Variants in PLXNA2 observed in about 807,000 individuals in gnomAD.
PLXNA2 encodes the protein plexin-A2.
Under a neutral mutation model 193.5 loss-of-function variants are expected in PLXNA2, and 91 were observed. The ratio of observed to expected loss-of-function variants is 0.47; its 90% CI spans 0.40 to 0.56. The LOEUF (loss-of-function observed/expected upper bound fraction) is 0.56, where lower values mean the gene tolerates loss of function less well. PLXNA2 is among the 20% of genes least tolerant of loss of function. The pLI is 0.00. For synonymous variants in PLXNA2, 997 were observed against 1,027.3 expected, an observed-to-expected ratio of 0.97 and a Z score of 0.56; for missense variants, 1,995 against 2,503.2, an observed-to-expected ratio of 0.80 and a Z score of 4.33.
chr1:208,044,822 G>A lies in PLXNA2; in HGVS notation c.3640-80C>T, dbSNP rs561888837. On this transcript the variant is annotated intron_variant, in intron 19 of 31. Transcript: ENST00000367033. The surrounding 1 kb of genome is among the most constrained non-coding windows in gnomAD (Gnocchi z 4.9). ...GCATGCCAGCAGATCCTTACAGTGC[G>A]AGGAAGGACATGACAGACCACAACC... 5.9e-6 allele frequency: 7 copies of A among 1,188,762 alleles called. No individual in the cohort carries two copies. Among genetic ancestry groups the A allele is most frequent in the South Asian group, 2.7e-5 (2 of 74,520 alleles). 73.6% of individuals were successfully genotyped at this position (1,188,762 alleles called of 1,614,324 possible). A position where few individuals can be genotyped will look rare whatever the true frequency, so the allele number is the denominator to read the frequency against.
intron 4 of PLXNA2, among the ~76,000 whole-genome samples, chr1:208,136,387 GT>G (rs2102474776): frequency 6.6e-6 from 1 of 152,364 alleles, no homozygotes; most frequent in East Asian, 1.9e-4. Flanking sequence ...GGGTCTGAAT[GT>G]TCACTACCTG....
intron 12 of PLXNA2, among the ~76,000 whole-genome samples, chr1:208,067,189 C>A (rs2498033): frequency 0.97 from 146,793 of 152,028 alleles, 71,095 homozygotes; most frequent in Middle Eastern, 1. Context: ...TATTAAAAAT[C>A]CAAAATTAGC....
chr1:208,211,092 T>C (rs1004434603), intron 2 of PLXNA2, among the ~76,000 whole-genome samples: 11 of 152,230 alleles, frequency 7.2e-5, no homozygotes, highest in Admixed American at 6.5e-5. Context: ...CCTTATACTT[T>C]GGAAAAGTTA....
At chr1:208,031,878 T>G (rs1271289092) in intron 28 of PLXNA2, 119 bp from the exon 29 acceptor site, 1 of 1,264,944 alleles carries the variant, frequency 7.9e-7, no homozygotes, top group East Asian at 2.5e-5. Flanking sequence ...CACGAGGCTG[T>G]GCAGGCAGTG....
At chr1:208,064,718 C>A (rs1056989758) in intron 12 of PLXNA2, among the ~76,000 whole-genome samples, 4 of 152,172 alleles carry the variant, frequency 2.6e-5, no homozygotes, top group Admixed American at 6.5e-5. Flanking sequence ...GACCCTGCAT[C>A]CTGCCTTCTG....
At position 208,096,266 on chromosome 1, in the gene PLXNA2, G is replaced by A. The variant is rs141062194; in HGVS notation, c.1886-141C>T. Reference sequence around the variant, plus strand: ...ATACTATGTGGAACCTGCCTGAATCGTCTCTTCTCCTCCCAAGGAAGCCTC... The same window carrying A: ...ATACTATGTGGAACCTGCCTGAATCATCTCTTCTCCTCCCAAGGAAGCCTC... On this transcript the variant is annotated intron_variant, in intron 7 of 31. Coordinates refer to ENST00000367033, the MANE Select transcript of PLXNA2 (RefSeq NM_025179.4). 9.0e-4 allele frequency: 603 copies of A among 673,624 alleles called. 3 individuals are homozygous for A. In the East Asian group the frequency reaches 0.013, roughly 15 times the overall value. 41.7% of individuals were successfully genotyped at this position (673,624 alleles called of 1,614,324 possible).
intron 3 of PLXNA2, among the ~76,000 whole-genome samples, chr1:208,180,350 T>C (rs1428474082): frequency 2.0e-5 from 3 of 152,036 alleles, no homozygotes; most frequent in Non-Finnish European, 4.4e-5. Context: ...GTAGGAGGCC[T>C]GAGTGGGCAC....
chr1:208,144,154 T>A (rs1010867081), intron 3 of PLXNA2, among the ~76,000 whole-genome samples: 2 of 152,220 alleles, frequency 1.3e-5, no homozygotes, highest in East Asian at 3.8e-4. Flanking sequence ...TGTTTCTCCC[T>A]ACACCACACT....
At chr1:208,141,487 T>C (rs996044635) in intron 4 of PLXNA2, among the ~76,000 whole-genome samples, 2 of 152,176 alleles carry the variant, frequency 1.3e-5, no homozygotes, top group African/African-American at 2.4e-5. Context: ...AGACTGGCAA[T>C]CCTTTTCCTC....
intron 4 of PLXNA2, among the ~76,000 whole-genome samples, chr1:208,109,729 G>A (rs563352049): frequency 3.3e-5 from 5 of 152,274 alleles, no homozygotes; most frequent in Admixed American, 6.5e-5. Flanking sequence ...CTGACTGTTC[G>A]CTCTTCTCAG....
At chr1:208,154,827 T>C (rs1355630989) in intron 3 of PLXNA2, among the ~76,000 whole-genome samples, 1 of 152,220 alleles carries the variant, frequency 6.6e-6, no homozygotes, top group Non-Finnish European at 1.5e-5. Flanking sequence ...ATTCTCACTT[T>C]CCTCATCTAC....
At position 208,044,595 on chromosome 1, in the gene PLXNA2, T is replaced by TG; in HGVS notation, c.3786dup (p.Lys1263GlnfsTer6). ...AGAGTGAGGTCATTTTCTCGAGACT[T>TG]GCGCTTGTAGGCAATGAGGACGATG... On this transcript the variant is annotated frameshift_variant, in exon 20 of 32. Coordinates refer to ENST00000367033, the MANE Select transcript of PLXNA2 (RefSeq NM_025179.4). LOFTEE classifies it high-confidence loss of function. This position sits in a 1 kb window ranked among gnomAD's most constrained non-coding sequence, Gnocchi z 4.9. 1 of 1,614,106 alleles carries TG rather than the reference T, an allele frequency of 6.2e-7. No homozygotes were observed. The highest frequency in any genetic ancestry group is 8.5e-7 in the Non-Finnish European group (1 of 1,180,010).
chr1:208,060,777 G>A lies in PLXNA2; in HGVS notation c.2647C>T (p.Leu883=). Residue 883 remains leucine (L), a synonymous_variant, in exon 13 of 32, where the codon CTG becomes TTG. Transcript: ENST00000367033. Reference sequence around the variant, plus strand: ...GCGATCTCGGAGAAGTCCAGACCCAGGTTCACGCCATGGATGGTCACTCGC... The same window carrying A: ...GCGATCTCGGAGAAGTCCAGACCCAAGTTCACGCCATGGATGGTCACTCGC... ...GTRVTIHGVN[L]GLDFSEIAHH... 1.2e-6 allele frequency: 2 copies of A among 1,614,122 alleles called. No homozygotes were observed. The highest frequency in any genetic ancestry group is 1.7e-6 in the Non-Finnish European group (2 of 1,180,004).
chr1:208,157,843 T>C (rs558769282), intron 3 of PLXNA2, among the ~76,000 whole-genome samples: 1 of 152,368 alleles, frequency 6.6e-6, no homozygotes, highest in East Asian at 1.9e-4. Context: ...AATGAATGAA[T>C]GCTTTTCTGG....
rs569834034 is a variant in PLXNA2 at position 208,118,711 on chromosome 1, A to G, written c.1507-15464T>C. Among the ~76,000 whole-genome samples the G allele has an allele frequency of 1.4e-4, 22 of 151,786 alleles. No individual in the cohort carries two copies. In the South Asian group the frequency reaches 1.5e-3, roughly 10 times the overall value. ...GCTTCTGGGGGTCACAGAGAGGGGA[A>G]CCTGGGGGAGATAGAAGAGAGACAA... On this transcript the variant is annotated intron_variant, in intron 4 of 31. Transcript: ENST00000367033.
intron 21 of PLXNA2, among the ~76,000 whole-genome samples, chr1:208,042,775 G>T (rs925573609): frequency 2.0e-5 from 3 of 152,168 alleles, no homozygotes; most frequent in Non-Finnish European, 2.9e-5. Flanking sequence ...CTTTCTTTAA[G>T]CCATCTTAAA....
At position 208,039,684 on chromosome 1, in the gene PLXNA2, G is replaced by A. The variant is rs188406573; in HGVS notation, c.4437C>T (p.Gly1479=). ...MEKGPIDAIT[G]EARYSLSEDK... is the part of the protein sequence containing the mutation. The stretch of plus-strand genomic sequence containing the variant: ...CCTCGCTCAGGGAGTAGCGGGCCTC[G>A]CCCGTGATGGCATCAATGGGGCCCT... Residue 1479 remains glycine (G), a synonymous_variant, in exon 24 of 32, where the codon GGC becomes GGT. Coordinates refer to ENST00000367033, the MANE Select transcript of PLXNA2 (RefSeq NM_025179.4). 394 of 1,614,164 alleles carry A rather than the reference G, an allele frequency of 2.4e-4. 1 individual carries two copies. The East Asian group carries it at 4.8e-3, about 20-fold the overall frequency.
chr1:208,139,892 T>C (rs76317121), intron 4 of PLXNA2, among the ~76,000 whole-genome samples: 81 of 152,208 alleles, frequency 5.3e-4, no homozygotes, highest in Non-Finnish European at 9.9e-4. Context: ...TGGCTACCTA[T>C]TTCTACACAA....
intron 12 of PLXNA2, among the ~76,000 whole-genome samples, chr1:208,064,370 T>C (rs1665717264): frequency 6.6e-6 from 1 of 152,238 alleles, no homozygotes; most frequent in African/African-American, 2.4e-5. Context: ...CAAGGCAAAG[T>C]CCCTAATTCC....
Sources: allele counts gnomAD v4.1 joint callset (sites outside exome capture counted in the v4.1 genomes callset), GRCh38; gene constraint gnomAD v4.1.1; non-coding constraint Gnocchi (gnomAD v3.1); transcripts MANE v1.5; gene names NCBI Gene and HGNC (gene_info 2026-07-23, HGNC 2026-07-21).